Variants in STRA6 observed in about 807,000 individuals in gnomAD.
STRA6 encodes the protein signaling receptor and transporter of retinol STRA6.
A neutral mutation model predicts 83.6 loss-of-function variants in STRA6; 48 were observed. That is an observed-to-expected ratio of 0.57 (90% CI 0.46 to 0.73). The LOEUF (loss-of-function observed/expected upper bound fraction) is 0.73, where lower values mean the gene tolerates loss of function less well. Among genes scored for constraint, STRA6 ranks in the 30% least tolerant of loss-of-function variants. The pLI is 0.00. For synonymous variants in STRA6, 353 were observed against 362.3 expected, an observed-to-expected ratio of 0.97 and a Z score of 0.29; for missense variants, 760 against 838.8, an observed-to-expected ratio of 0.91 and a Z score of 1.16.
chr15:74,182,929 G>T, intron 14 of STRA6: 1 of 199,986 alleles, frequency 5.0e-6, no homozygotes, highest in Non-Finnish European at 1.0e-5. Flanking sequence ...AGGCATAAGG[G>T]CTACCAAGAA....
chr15:74,194,682 C>T (rs1249265887), intron 7 of STRA6: 6 of 991,244 alleles, frequency 6.1e-6, no homozygotes, highest in Middle Eastern at 3.6e-4. Flanking sequence ...AGCTGTAGTC[C>T]AGTGCCTGGA....
At position 74,194,534 on chromosome 15, in the gene STRA6, A is replaced by C. The variant is rs2073717705; in HGVS notation, c.598-612T>G. ...CTGGTGTTATCAGCTCCATGGACGG[A>C]TGGAGAAACGGTCTCAGAAAGGTGG... On this transcript the variant is annotated intron_variant, in intron 7 of 18. Coordinates refer to ENST00000395105, the MANE Select transcript of STRA6 (RefSeq NM_022369.4). 7.1e-6 allele frequency: 3 copies of C among 423,782 alleles called. No individual in the cohort carries two copies. In the South Asian group the frequency reaches 3.0e-4, roughly 43 times the overall value. 26.3% of individuals were successfully genotyped at this position (423,782 alleles called of 1,614,324 possible). A position where few individuals can be genotyped will look rare whatever the true frequency, so the allele number is the denominator to read the frequency against.
rs2073661702 is a variant in STRA6, at chr15:74,193,680, A to C, written c.720+120T>G. The C allele has an allele frequency of 3.9e-5, 59 of 1,524,514 alleles. No individual in the cohort carries two copies. In the South Asian group the frequency reaches 6.3e-4, roughly 16 times the overall value. The allele number at this position is 1,524,514 out of a possible 1,614,324, so 94.4% of individuals were successfully genotyped here. On this transcript the variant is annotated intron_variant, in intron 8 of 18. Transcript: ENST00000395105. ...GCAGTCACTCAGCAAACATTTTCTGAGCATCTATTCTGTGCTGGGCCCTAC... is the reference window on the plus strand; with the variant it reads ...GCAGTCACTCAGCAAACATTTTCTGCGCATCTATTCTGTGCTGGGCCCTAC...
chr15:74,181,156 G>T, intron 17 of STRA6, 139 bp downstream of exon 17: 1 of 1,406,160 alleles, frequency 7.1e-7, no homozygotes, highest in Non-Finnish European at 9.7e-7. Flanking sequence ...GAGGCACAGC[G>T]CAGGGGCACA....
chr15:74,190,970 A>G (rs745407016), intron 10 of STRA6, 69 bp from the exon 11 acceptor site: 3 of 1,606,642 alleles, frequency 1.9e-6, no homozygotes, highest in South Asian at 1.1e-5. Flanking sequence ...CTCCCTCCCA[A>G]GGGGCCCAGG....
chr15:74,185,126 G>T (rs2073179805), intron 12 of STRA6, 71 bp from the exon 13 acceptor site: 1 of 1,494,646 alleles, frequency 6.7e-7, no homozygotes, highest in Non-Finnish European at 9.3e-7. Flanking sequence ...CAGAACCCCT[G>T]CCAGGGTGGT....
chr15:74,196,225 A>C, intron 4 of STRA6, 78 bp from the exon 5 acceptor site: 1 of 1,583,366 alleles, frequency 6.3e-7, no homozygotes, highest in South Asian at 1.1e-5. Flanking sequence ...TGTATTCCAT[A>C]AATCAAGGAG....
intron 13 of STRA6, 45 bp downstream of exon 13, chr15:74,184,935 T>G: frequency 1.3e-6 from 2 of 1,596,802 alleles, no homozygotes; most frequent in South Asian, 2.2e-5. Flanking sequence ...GGACTCCCAC[T>G]CCTTCCCCAC....
intron 14 of STRA6, 186 bp from the exon 15 acceptor site, chr15:74,182,646 T>G (rs2073053336): frequency 1.7e-6 from 1 of 599,862 alleles, no homozygotes; most frequent in African/African-American, 1.9e-5. Flanking sequence ...TTTCTTCCTC[T>G]GTAAAATGGG....
chr15:74,188,486 C>A lies in STRA6; in HGVS notation c.1090+629G>T, dbSNP rs963567501. Reference sequence around the variant, plus strand: ...GGCTGCACTCTGCCCTGCTGGATGGCCTCAGGCAAATCCTTCCCCATGTGT... The same window carrying A: ...GGCTGCACTCTGCCCTGCTGGATGGACTCAGGCAAATCCTTCCCCATGTGT... On this transcript the variant is annotated intron_variant, in intron 12 of 18. Transcript: ENST00000395105. This position sits in a 1 kb window ranked among gnomAD's most constrained non-coding sequence, Gnocchi z 4.5. 2.0e-5 allele frequency among the ~76,000 whole-genome samples: 3 copies of A among 152,262 alleles called. No individual in the cohort carries two copies. The highest frequency in any genetic ancestry group is 4.4e-5 in the Non-Finnish European group (3 of 68,050).
intron 8 of STRA6, 108 bp downstream of exon 8, chr15:74,193,692 G>T: frequency 6.4e-7 from 1 of 1,555,254 alleles, no homozygotes. Flanking sequence ...CATCTATTCT[G>T]TGCTGGGCCC....
chr15:74,191,370 G>A (rs1011502938), intron 9 of STRA6, 54 bp downstream of exon 9: 10 of 1,607,818 alleles, frequency 6.2e-6, no homozygotes, highest in African/African-American at 4.0e-5. Context: ...TCCCAAGCAC[G>A]GCTGCTAACC....
chr15:74,196,787 C>T (rs983881163), intron 4 of STRA6, among the ~76,000 whole-genome samples: 39 of 152,226 alleles, frequency 2.6e-4, no homozygotes, highest in African/African-American at 8.9e-4. Context: ...GCTGTCTACA[C>T]CAAGGAGCCA....
At chr15:74,202,364 G>T in intron 1 of STRA6, 82 bp from the exon 2 acceptor site, 1 of 1,553,074 alleles carries the variant, frequency 6.4e-7, no homozygotes. Flanking sequence ...AAAGAAAGAC[G>T]GAAAACCCAA....
At chr15:74,205,462 C>T (rs565513314), upstream of STRA6, among the ~76,000 whole-genome samples, 7 of 152,252 alleles carry the variant, frequency 4.6e-5, no homozygotes, top group African/African-American at 1.7e-4. Flanking sequence ...TACAAATAGC[C>T]AGCTCTCACA....
rs76288620 is a variant in STRA6 at position 74,194,432 on chromosome 15, G to A, written c.598-510C>T. 1.9e-3 allele frequency: 1,939 copies of A among 1,023,148 alleles called. 30 individuals carry two copies. The African/African-American group carries it at 0.031, about 16-fold the overall frequency. The allele number at this position is 1,023,148 out of a possible 1,614,324, so 63.4% of individuals were successfully genotyped here. ...TTATTGAGAGCTTAGTATGTGCCAG[G>A]TTCTAGGTGGTGAAAAAAAGCCACC... is the stretch of plus-strand genomic sequence containing the variant. On this transcript the variant is annotated intron_variant, in intron 7 of 18. Coordinates refer to ENST00000395105, the MANE Select transcript of STRA6 (RefSeq NM_022369.4).
Position 74,189,318 on chromosome 15 carries a change from GT to G in STRA6, c.928-42del, listed in dbSNP as rs1219485321. The G allele has an allele frequency of 7.1e-6, 11 of 1,559,606 alleles. 1 individual carries two copies. In the East Asian group the frequency reaches 2.4e-4, roughly 34 times the overall value. On this transcript the variant is annotated intron_variant, in intron 11 of 18. Coordinates refer to ENST00000395105, the MANE Select transcript of STRA6 (RefSeq NM_022369.4). ...AGTGAGGGCCCCATCCCAGGAAAGG[GT>G]TTTCTGTGCTAACAGGGGAGACGCT... is the stretch of plus-strand genomic sequence containing the variant.
chr15:74,181,589 G>T, intron 16 of STRA6, 131 bp from the exon 17 acceptor site: 1 of 1,274,288 alleles, frequency 7.8e-7, no homozygotes, highest in Non-Finnish European at 1.1e-6. Context: ...TGTCTTCTGT[G>T]CACCCCACCC....
intron 17 of STRA6, 89 bp downstream of exon 17, chr15:74,181,206 T>A (rs2072965500): frequency 6.4e-7 from 1 of 1,563,566 alleles, no homozygotes. Flanking sequence ...TGTGAACTGA[T>A]CAGCTGGCAC....
Sources: allele counts gnomAD v4.1 joint callset (sites outside exome capture counted in the v4.1 genomes callset), GRCh38; gene constraint gnomAD v4.1.1; non-coding constraint Gnocchi (gnomAD v3.1); transcripts MANE v1.5; gene names NCBI Gene and HGNC (gene_info 2026-07-23, HGNC 2026-07-21).